The following TBC1D4 variants were observed in gnomAD, a reference collection of about 807,000 sequenced individuals.
TBC1D4 encodes TBC1 domain family member 4, also known as TBC (Tre-2, BUB2, CDC16) domain-containing protein.
In TBC1D4, 121 loss-of-function variants were observed where a neutral mutation model predicts 142.5. The ratio of observed to expected loss-of-function variants is 0.85; its 90% CI spans 0.73 to 0.99. The LOEUF (loss-of-function observed/expected upper bound fraction) is 0.99, where lower values mean the gene tolerates loss of function less well. Ranked by LOEUF, TBC1D4 falls within the 50% of genes least tolerant of loss-of-function variation. The pLI, the probability that TBC1D4 is intolerant of heterozygous loss-of-function variation, is 0.00. For synonymous variants in TBC1D4, 630 were observed against 628.2 expected (o/e 1.00, Z -0.04); for missense variants, 1,475 against 1,606.6 (o/e 0.92, Z 1.40).
intron 1 of TBC1D4, among the ~76,000 whole-genome samples, chr13:75,423,121 GGAAACTA>G (rs1886235125): frequency 6.6e-6 from 1 of 151,996 alleles, no homozygotes; most frequent in Admixed American, 6.6e-5. Flanking sequence ...TCTCAAAATT[GGAAACTA>G]GAAACATTAG....
At chr13:75,334,634 A>G (rs1214763152) in intron 8 of TBC1D4, among the ~76,000 whole-genome samples, 1 of 151,868 alleles carries the variant, frequency 6.6e-6, no homozygotes, top group Non-Finnish European at 1.5e-5. Context: ...CCCAGGCTGG[A>G]GTACAGTGGC....
intron 1 of TBC1D4, among the ~76,000 whole-genome samples, chr13:75,395,294 G>C (rs548136166): frequency 1.3e-5 from 2 of 152,160 alleles, no homozygotes; most frequent in South Asian, 4.2e-4. Flanking sequence ...GCCTCTTTCT[G>C]GTATATCTAA....
intron 20 of TBC1D4, among the ~76,000 whole-genome samples, chr13:75,288,289 G>A (rs1308406186): frequency 6.6e-6 from 1 of 151,926 alleles, no homozygotes; most frequent in Admixed American, 6.6e-5. Flanking sequence ...CTTTTAGCAG[G>A]CCTCCTTACC....
intron 1 of TBC1D4, among the ~76,000 whole-genome samples, chr13:75,384,106 AAT>A (rs1884028980): frequency 1.7e-4 from 3 of 17,342 alleles, no homozygotes; most frequent in Non-Finnish European, 7.3e-4. Flanking sequence ...AAAAAAAAAT[AAT>A]AATAATAATG....
In TBC1D4 at chr13:75,324,416, T is replaced by C; in HGVS notation, c.2034-15A>G. 5 of 1,613,480 alleles carry C rather than the reference T, an allele frequency of 3.1e-6. No individual in the cohort carries two copies. Among genetic ancestry groups the C allele is most frequent in the Non-Finnish European group, 4.2e-6 (5 of 1,179,568 alleles). On this transcript the variant is annotated splice_polypyrimidine_tract_variant and intron_variant, in intron 10 of 20. Coordinates refer to ENST00000377636, the MANE Select transcript of TBC1D4 (RefSeq NM_014832.5). ...ACGAAAGATTGCTGAGTACAGAAAA[T>C]ACAGCAAATATGTCTTAATTTATAT... is the stretch of plus-strand genomic sequence containing the variant.
intron 1 of TBC1D4, among the ~76,000 whole-genome samples, chr13:75,431,336 T>C (rs1886585534): frequency 6.6e-6 from 1 of 152,208 alleles, no homozygotes; most frequent in Non-Finnish European, 1.5e-5. Flanking sequence ...TATAGAAAAC[T>C]CTTTTGTACT....
intron 17 of TBC1D4, among the ~76,000 whole-genome samples, chr13:75,298,415 C>A (rs927910943): frequency 6.6e-5 from 10 of 152,232 alleles, no homozygotes; most frequent in Admixed American, 2.0e-4. Context: ...AGTTAATACC[C>A]CACTCAAAAT....
At chr13:75,351,155 T>C (rs1408317274) in intron 4 of TBC1D4, among the ~76,000 whole-genome samples, 1 of 152,110 alleles carries the variant, frequency 6.6e-6, no homozygotes, top group Non-Finnish European at 1.5e-5. Flanking sequence ...AAACATAAGA[T>C]AGGACAAAGC....
chr13:75,406,936 T>G (rs1267325563), intron 1 of TBC1D4, among the ~76,000 whole-genome samples: 1 of 152,188 alleles, frequency 6.6e-6, no homozygotes, highest in African/African-American at 2.4e-5. Flanking sequence ...TCTGCATCAT[T>G]CTGATCAACA....
intron 17 of TBC1D4, among the ~76,000 whole-genome samples, chr13:75,298,622 A>C (rs1593876266): frequency 6.6e-6 from 1 of 152,182 alleles, no homozygotes; most frequent in South Asian, 2.1e-4. Flanking sequence ...GCATGGTGGC[A>C]CCTGCCTGTA....
intron 9 of TBC1D4, among the ~76,000 whole-genome samples, 184 bp downstream of exon 9, chr13:75,327,567 CT>C (rs1879371582): frequency 1.3e-5 from 2 of 152,146 alleles, no homozygotes; most frequent in South Asian, 4.1e-4. Flanking sequence ...CACAGTTAGC[CT>C]GTAAGGGAAT....
At chr13:75,443,905 G>A (rs148587899) in intron 1 of TBC1D4, among the ~76,000 whole-genome samples, 46 of 152,062 alleles carry the variant, frequency 3.0e-4, no homozygotes, top group African/African-American at 1.1e-3. Flanking sequence ...AGATACAGAC[G>A]TGACAACAGG....
intron 1 of TBC1D4, among the ~76,000 whole-genome samples, chr13:75,425,918 C>T (rs1192631817): frequency 6.6e-6 from 1 of 151,968 alleles, no homozygotes; most frequent in Non-Finnish European, 1.5e-5. Context: ...TTAATAATAA[C>T]AATATATTAT....
At chr13:75,314,106 C>T (rs1055699906) in intron 12 of TBC1D4, among the ~76,000 whole-genome samples, 6 of 152,082 alleles carry the variant, frequency 3.9e-5, no homozygotes, top group Non-Finnish European at 7.4e-5. Context: ...AAAAAAAGGT[C>T]GGTATGACTC....
intron 1 of TBC1D4, among the ~76,000 whole-genome samples, chr13:75,392,029 C>T (rs762505018): frequency 6.6e-6 from 1 of 152,166 alleles, no homozygotes; most frequent in Non-Finnish European, 1.5e-5. Context: ...CTCCCCAACC[C>T]CTTTCCTGTA....
At chr13:75,297,985 CT>C (rs1208093169) in intron 17 of TBC1D4, among the ~76,000 whole-genome samples, 1 of 152,072 alleles carries the variant, frequency 6.6e-6, no homozygotes, top group Non-Finnish European at 1.5e-5. Context: ...AATACTTCAT[CT>C]CCATTCATAC....
At chr13:75,445,668 A>G (rs904402666) in intron 1 of TBC1D4, among the ~76,000 whole-genome samples, 7 of 152,224 alleles carry the variant, frequency 4.6e-5, no homozygotes, top group African/African-American at 1.4e-4. Flanking sequence ...AAAAAAATTC[A>G]TATTGGCAAA....
chr13:75,312,997 G>T, intron 12 of TBC1D4, 99 bp from the exon 13 acceptor site: 1 of 1,358,540 alleles, frequency 7.4e-7, no homozygotes, highest in Non-Finnish European at 1.0e-6. Flanking sequence ...GTTCTGTCAC[G>T]GGCAAGCACA....
chr13:75,381,875 G>A (rs1001480440), intron 1 of TBC1D4, among the ~76,000 whole-genome samples: 1 of 152,096 alleles, frequency 6.6e-6, no homozygotes, highest in Non-Finnish European at 1.5e-5. Context: ...AGTGCTGTAC[G>A]GCCACATGTT....
Sources: gnomAD v4.1 joint callset for allele counts (sites outside exome capture counted in the v4.1 genomes callset) on GRCh38, gnomAD v4.1.1 for gene constraint, MANE v1.5 for transcripts, NCBI Gene and HGNC (gene_info 2026-07-23, HGNC 2026-07-21) for gene names.